Variants in PGM5 observed in about 807,000 individuals in gnomAD.
PGM5 encodes phosphoglucomutase 5, also known as phosphoglucomutase-like protein 5.
In PGM5, 23 loss-of-function variants were observed where a neutral mutation model predicts 59.2. The observed-to-expected ratio is 0.39, with a 90% CI of 0.28 to 0.55. The LOEUF (loss-of-function observed/expected upper bound fraction) is 0.55, where lower values mean the gene tolerates loss of function less well. PGM5 is among the 20% of genes least tolerant of loss of function. The pLI is 0.66. For synonymous variants in PGM5, 214 were observed against 286.0 expected (o/e 0.75, Z 2.54); for missense variants, 574 against 748.3 (o/e 0.77, Z 2.72).
At chr9:68,375,786 G>T (rs1419712646) in intron 1 of PGM5, among the ~76,000 whole-genome samples, 6 of 152,176 alleles carry the variant, frequency 3.9e-5, no homozygotes, top group African/African-American at 1.4e-4. Context: ...GGGACTTCTG[G>T]CCATAGTATT....
At chr9:68,421,100 A>T (rs1307092875) in intron 6 of PGM5, among the ~76,000 whole-genome samples, 1 of 152,224 alleles carries the variant, frequency 6.6e-6, no homozygotes, top group African/African-American at 2.4e-5. Context: ...GTAGGTGCAC[A>T]TGTCCATGTC....
intron 10 of PGM5, among the ~76,000 whole-genome samples, chr9:68,506,939 C>A (rs1000627292): frequency 2.6e-5 from 4 of 151,978 alleles, no homozygotes; most frequent in Non-Finnish European, 4.4e-5. Flanking sequence ...GCCCCCCAAA[C>A]CCTGAAAAAA....
chr9:68,411,402 C>CATATATACACACATACATGTGTGTAT (rs1228674878), intron 6 of PGM5, among the ~76,000 whole-genome samples: 11 of 135,064 alleles, frequency 8.1e-5, no homozygotes, highest in South Asian at 2.7e-4. Context: ...TATACACACA[C>CATATATACACACATACATGTGTGTAT]ATATATACAC....
rs183050781 is a variant in PGM5 at position 68,492,228 on chromosome 9, G to T, written c.1480-6999G>T. On this transcript the variant is annotated intron_variant, in intron 9 of 10. Transcript: ENST00000396396. ...GAATCCAAAATATCCCAGAACTGGG[G>T]TGGATATTGTGTGAACAGGGATCAG... Among the ~76,000 whole-genome samples the T allele has an allele frequency of 2.1e-3, 324 of 152,306 alleles. 1 individual carries two copies. Among genetic ancestry groups the T allele is most frequent in the African/African-American group, 7.1e-3 (297 of 41,572 alleles).
chr9:68,438,050 G>A (rs2132060803), intron 6 of PGM5, among the ~76,000 whole-genome samples: 3 of 152,250 alleles, frequency 2.0e-5, no homozygotes, highest in Admixed American at 2.0e-4. Flanking sequence ...CACTGTGGGA[G>A]GCTGAGGTGG....
At chr9:68,463,258 G>A (rs183826811) in intron 6 of PGM5, among the ~76,000 whole-genome samples, 49 of 151,124 alleles carry the variant, frequency 3.2e-4, no homozygotes, top group Non-Finnish European at 6.8e-4. Flanking sequence ...TTTATCCTGT[G>A]TTTGTCTTTC....
In PGM5 at chr9:68,488,062, T is replaced by A. The variant is rs529499720; in HGVS notation, c.1479+4014T>A. Among the ~76,000 whole-genome samples the A allele has an allele frequency of 4.8e-3, 738 of 152,286 alleles. 5 individuals are homozygous for A. The highest frequency in any genetic ancestry group is 0.017 in the African/African-American group (699 of 41,568). On this transcript the variant is annotated intron_variant, in intron 9 of 10. Transcript: ENST00000396396. ...TAACAAATGATAACAATTGGTTAAA[T>A]AAAATTATTTATGTTTTAAAAAAAG...
chr9:68,410,799 G>A (rs1563998218), intron 6 of PGM5, among the ~76,000 whole-genome samples: 2 of 152,128 alleles, frequency 1.3e-5, no homozygotes, highest in South Asian at 4.1e-4. Context: ...TCTGTTGCAA[G>A]TAACAAAAAC....
intron 6 of PGM5, among the ~76,000 whole-genome samples, chr9:68,460,251 G>A (rs971217640): frequency 2.0e-5 from 3 of 152,128 alleles, no homozygotes; most frequent in South Asian, 2.1e-4. Flanking sequence ...CATACATAAT[G>A]ATATAGTGCT....
intron 3 of PGM5, 130 bp from the exon 4 acceptor site, chr9:68,387,333 C>T (rs1394201164): frequency 1.3e-5 from 10 of 786,720 alleles, no homozygotes; most frequent in Non-Finnish European, 2.1e-5. Flanking sequence ...TCGCTTCCCA[C>T]ATCATGTGCA....
At position 68,391,754 on chromosome 9, in the gene PGM5, C is replaced by G. The variant is rs782388082; in HGVS notation, c.888+30C>G. On this transcript the variant is annotated intron_variant, in intron 5 of 10. Coordinates refer to ENST00000396396, the MANE Select transcript of PGM5 (RefSeq NM_021965.4). ...GTAGGAAAGCTGTCTGTCTGCTGAC[C>G]CTTTGATCATATAATGAGCCATGCA... The G allele has an allele frequency of 2.5e-6, 4 of 1,606,820 alleles. No homozygotes were observed. In the South Asian group the frequency reaches 4.4e-5, roughly 18 times the overall value.
chr9:68,371,101 C>T (rs1443855515), intron 1 of PGM5, among the ~76,000 whole-genome samples: 14 of 152,240 alleles, frequency 9.2e-5, no homozygotes, highest in African/African-American at 2.4e-4. Context: ...CCCCCTTTTC[C>T]GCGTGGGAGT....
chr9:68,499,456 G>A (rs1824536962), intron 10 of PGM5, 95 bp downstream of exon 10: 2 of 1,261,006 alleles, frequency 1.6e-6, no homozygotes, highest in African/African-American at 1.5e-5. Context: ...TTTACCTCCT[G>A]GAAAGGTACA....
At chr9:68,399,870 G>A (rs1431102080) in intron 6 of PGM5, among the ~76,000 whole-genome samples, 1 of 152,070 alleles carries the variant, frequency 6.6e-6, no homozygotes, top group African/African-American at 2.4e-5. Context: ...AATTTTTCCT[G>A]AAAATTGTTT....
intron 10 of PGM5, among the ~76,000 whole-genome samples, chr9:68,506,837 G>A (rs1554689060): frequency 1.3e-5 from 2 of 152,128 alleles, no homozygotes; most frequent in Non-Finnish European, 2.9e-5. Flanking sequence ...ATGAGAGCAA[G>A]ATTTGGGGAT....
intron 10 of PGM5, among the ~76,000 whole-genome samples, chr9:68,502,987 C>G (rs911221317): frequency 5.9e-5 from 9 of 152,286 alleles, no homozygotes; most frequent in Non-Finnish European, 1.2e-4. Flanking sequence ...CCACATCCGG[C>G]TTTAAGTATG....
Position 68,387,534 on chromosome 9 carries a change from G to C in PGM5, c.643G>C (p.Gly215Arg). 1.3e-6 allele frequency: 2 copies of C among 1,563,756 alleles called. No individual in the cohort carries two copies. The highest frequency in any genetic ancestry group is 1.8e-6 in the Non-Finnish European group (2 of 1,141,476). Residue 215 changes from glycine to arginine, a missense_variant, in exon 4 of 11, where the codon GGT (glycine) becomes CGT (arginine). Transcript: ENST00000396396. Reference protein sequence around the residue: ...RTIFDFHAIKGLLTGPSQLKI... With the variant: ...RTIFDFHAIKRLLTGPSQLKI... ...CATCTTTGACTTTCATGCCATCAAG[G>C]GTTTGCTGACTGGACCCAGCCAACT...
intron 10 of PGM5, among the ~76,000 whole-genome samples, chr9:68,525,319 A>C (rs1824954539): frequency 6.6e-6 from 1 of 152,194 alleles, no homozygotes; most frequent in African/African-American, 2.4e-5. Context: ...TAAGCAGTAG[A>C]TACTTTCCTT....
intron 9 of PGM5, among the ~76,000 whole-genome samples, chr9:68,486,265 A>G (rs1554687539): frequency 6.6e-6 from 1 of 152,174 alleles, no homozygotes; most frequent in Non-Finnish European, 1.5e-5. Context: ...AATATATAGT[A>G]TCTTTATTGA....
Sources: gnomAD v4.1 joint callset for allele counts (sites outside exome capture counted in the v4.1 genomes callset) on GRCh38, gnomAD v4.1.1 for gene constraint, MANE v1.5 for transcripts, NCBI Gene and HGNC (gene_info 2026-07-23, HGNC 2026-07-21) for gene names.